IQCH: variants seen among roughly 807,000 people sequenced by gnomAD.
IQCH encodes the protein IQ motif containing H, also known as IQ domain-containing protein H.
In IQCH, 98 loss-of-function variants were observed where a neutral mutation model predicts 117.0. That is an observed-to-expected ratio of 0.84 (90% CI 0.71 to 0.99). The LOEUF is 0.99. Ranked by LOEUF, IQCH falls within the 50% of genes least tolerant of loss-of-function variation. The pLI is 0.00. For missense variants in IQCH, 1,102 were observed against 1,243.8 expected, an observed-to-expected ratio of 0.89 and a Z score of 1.72; for synonymous variants, 412 against 448.2, an observed-to-expected ratio of 0.92 and a Z score of 1.02.
intron 16 of IQCH, among the ~76,000 whole-genome samples, 199 bp downstream of exon 16, chr15:67,421,776 G>T (rs1453248857): frequency 2.0e-5 from 3 of 152,200 alleles, no homozygotes; most frequent in Non-Finnish European, 4.4e-5. Flanking sequence ...CAGGGCCAGG[G>T]TTGTCTCGTT....
At position 67,279,519 on chromosome 15, in the gene IQCH, A is replaced by G. The variant is rs369759374; in HGVS notation, c.387+7A>G. ...TGTCTTTCCAAGAGCAAAGGTAGGT[A>G]TAGAGAAATTCATAGAGACAGAAAG... is the stretch of plus-strand genomic sequence containing the variant. On this transcript the variant is annotated splice_region_variant and intron_variant, in intron 4 of 20. Transcript: ENST00000335894. 5 of 1,521,236 alleles carry G rather than the reference A, an allele frequency of 3.3e-6. No homozygotes were observed. The highest frequency in any genetic ancestry group is 4.5e-6 in the Non-Finnish European group (5 of 1,105,424). The allele number at this position is 1,521,236 out of a possible 1,614,324, so 94.2% of individuals were successfully genotyped here.
rs1248095369 is a variant in IQCH at position 67,496,464 on chromosome 15, G to C, written c.2970+2098G>C. 1.3e-5 allele frequency among the ~76,000 whole-genome samples: 2 copies of C among 152,194 alleles called. No homozygotes were observed. Among genetic ancestry groups the C allele is most frequent in the Non-Finnish European group, 2.9e-5 (2 of 68,036 alleles). On this transcript the variant is annotated intron_variant, in intron 20 of 20. Transcript: ENST00000335894. This position sits in a 1 kb window ranked among gnomAD's most constrained non-coding sequence, Gnocchi z 4.4. ...GCAAGACCAAAAGCCTTCTCGCCAA[G>C]ATTAGGAACAAGACAAGGGTGTCTG...
At chr15:67,328,953 A>G (rs183778287) in intron 4 of IQCH, among the ~76,000 whole-genome samples, 11 of 152,292 alleles carry the variant, frequency 7.2e-5, no homozygotes, top group Non-Finnish European at 1.3e-4. Flanking sequence ...TCTGGATACT[A>G]GTTACCCACA....
chr15:67,478,922 CA>C (rs1261625157), intron 18 of IQCH, among the ~76,000 whole-genome samples: 8 of 122,486 alleles, frequency 6.5e-5, no homozygotes, highest in East Asian at 2.3e-4. Flanking sequence ...GACTCTGTCT[CA>C]AAAAAAAAAG....
intron 3 of IQCH, among the ~76,000 whole-genome samples, chr15:67,269,944 A>G (rs543725468): frequency 8.2e-4 from 125 of 152,302 alleles, no homozygotes; most frequent in Admixed American, 2.7e-3. Context: ...TGCAGTAAAC[A>G]TGGGACTGGA....
At chr15:67,263,340 A>G in intron 3 of IQCH, 124 bp downstream of exon 3, 1 of 612,458 alleles carries the variant, frequency 1.6e-6, no homozygotes, top group Non-Finnish European at 2.9e-6. Flanking sequence ...CCTTTCTATT[A>G]ATTCTAGTAG....
rs1970266073 is a variant in IQCH, at chr15:67,364,571, A to G, written c.753+4686A>G. 1.3e-5 allele frequency among the ~76,000 whole-genome samples: 2 copies of G among 152,212 alleles called. No individual in the cohort carries two copies. Among genetic ancestry groups the G allele is most frequent in the Admixed American group, 1.3e-4 (2 of 15,278 alleles). On this transcript the variant is annotated intron_variant, in intron 8 of 20. Transcript: ENST00000335894. This position sits in a 1 kb window ranked among gnomAD's most constrained non-coding sequence, Gnocchi z 4.1. ...TTATATACAACAGAAAAAAGGTTAA[A>G]TTATCAGCCAACAAGATAATCTGTA...
At position 67,365,636 on chromosome 15, in the gene IQCH, T is replaced by C. The variant is rs975256696; in HGVS notation, c.753+5751T>C. Among the ~76,000 whole-genome samples, 4 of 152,086 alleles carry C rather than the reference T, an allele frequency of 2.6e-5. No individual in the cohort carries two copies. The highest frequency in any genetic ancestry group is 7.2e-5 in the African/African-American group (3 of 41,410). On this transcript the variant is annotated intron_variant, in intron 8 of 20. Coordinates refer to ENST00000335894, the MANE Select transcript of IQCH (RefSeq NM_001031715.3). The surrounding 1 kb of genome is among the most constrained non-coding windows in gnomAD (Gnocchi z 4.4). ...GAAGAAAAATAAACCAGAATACATA[T>C]GTAGGTATAGAAGCCACGCACGGTG...
Position 67,463,347 on chromosome 15 carries a change from A to G in IQCH, c.2506-1780A>G, listed in dbSNP as rs2082845215. Among the ~76,000 whole-genome samples, 1 of 152,242 alleles carries G rather than the reference A, an allele frequency of 6.6e-6. No homozygotes were observed. Among genetic ancestry groups the G allele is most frequent in the Admixed American group, 6.5e-5 (1 of 15,286 alleles). ...AAGACATTTTCATGGCATGTCTTAT[A>G]TTAAACACAAACATGTTCTGATCCT... On this transcript the variant is annotated intron_variant, in intron 16 of 20. Transcript: ENST00000335894. The surrounding 1 kb of genome is among the most constrained non-coding windows in gnomAD (Gnocchi z 4.0).
rs1354760032 is a variant in IQCH, at chr15:67,426,280, T to G, written c.2505+4703T>G. 6.6e-6 allele frequency among the ~76,000 whole-genome samples: 1 copy of G among 152,210 alleles called. No individual in the cohort carries two copies. Among genetic ancestry groups the G allele is most frequent in the African/African-American group, 2.4e-5 (1 of 41,454 alleles). On this transcript the variant is annotated intron_variant, in intron 16 of 20. Coordinates refer to ENST00000335894, the MANE Select transcript of IQCH (RefSeq NM_001031715.3). This position sits in a 1 kb window ranked among gnomAD's most constrained non-coding sequence, Gnocchi z 5.1. ...ATATATGCATATAAACACACATATG[T>G]ACATATACATACATCTGTGCATCTA...
chr15:67,473,503 C>T lies in IQCH; in HGVS notation c.2677-2193C>T, dbSNP rs929313365. Among the ~76,000 whole-genome samples, 4 of 152,264 alleles carry T rather than the reference C, an allele frequency of 2.6e-5. No individual in the cohort carries two copies. The highest frequency in any genetic ancestry group is 9.6e-5 in the African/African-American group (4 of 41,476). On this transcript the variant is annotated intron_variant, in intron 17 of 20. Transcript: ENST00000335894. The surrounding 1 kb of genome is among the most constrained non-coding windows in gnomAD (Gnocchi z 4.9). ...ACTGTCCCCTGTGCCATGTAATAAT[C>T]ACCTGCTTTTGCTCCAAAGCATTTA...
chr15:67,313,684 G>T (rs968975510), intron 4 of IQCH, among the ~76,000 whole-genome samples: 2 of 152,196 alleles, frequency 1.3e-5, no homozygotes, highest in Admixed American at 6.5e-5. Context: ...TGGCTGTGGA[G>T]GCCAGTTGAT....
Position 67,477,231 on chromosome 15 carries a change from A to C in IQCH, c.2799+1413A>C, listed in dbSNP as rs148463294. Among the ~76,000 whole-genome samples the C allele has an allele frequency of 8.1e-3, 1,227 of 151,732 alleles. 25 individuals carry two copies. Among genetic ancestry groups the C allele is most frequent in the African/African-American group, 0.028 (1,163 of 41,364 alleles). Reference sequence around the variant, plus strand: ...ATGCCTGGCTAATTTTTGTATTTTTAGTAGAGACAGGGTTTCACCATGTTG... The same window carrying C: ...ATGCCTGGCTAATTTTTGTATTTTTCGTAGAGACAGGGTTTCACCATGTTG... On this transcript the variant is annotated intron_variant, in intron 18 of 20. Transcript: ENST00000335894.
At chr15:67,392,935 C>T (rs1971335641) in intron 12 of IQCH, among the ~76,000 whole-genome samples, 1 of 151,992 alleles carries the variant, frequency 6.6e-6, no homozygotes, top group African/African-American at 2.4e-5. Flanking sequence ...CTGTTTTTTG[C>T]CTTTTAAAAT....
At position 67,372,161 on chromosome 15, in the gene IQCH, T is replaced by G. The variant is rs149810362; in HGVS notation, c.804T>G (p.Tyr268Ter). The G allele has an allele frequency of 1.3e-4, 212 of 1,613,808 alleles. No individual in the cohort carries two copies. The African/African-American group carries it at 2.7e-3, about 20-fold the overall frequency. ...PLRALKSLWD[Y>*]DFLIYDGVID... Reference sequence around the variant, plus strand: ...GAGCCCTGAAATCACTGTGGGATTATGACTTTTTAATTTATGATGGTGTCA... The same window carrying G: ...GAGCCCTGAAATCACTGTGGGATTAGGACTTTTTAATTTATGATGGTGTCA... Residue 268 changes from tyrosine (Y) to a stop codon, truncating the protein, a stop_gained, in exon 9 of 21, where the codon TAT (tyrosine) becomes TAG (stop). Transcript: ENST00000335894. LOFTEE classifies it high-confidence loss of function.
intron 10 of IQCH, among the ~76,000 whole-genome samples, chr15:67,382,229 A>G (rs1257161649): frequency 1.3e-5 from 2 of 152,164 alleles, no homozygotes; most frequent in African/African-American, 2.4e-5. Context: ...AAGGGAGACT[A>G]AGAACTTTAG....
chr15:67,316,451 C>T (rs139954111), intron 4 of IQCH, among the ~76,000 whole-genome samples: 4 of 152,296 alleles, frequency 2.6e-5, no homozygotes, highest in African/African-American at 7.2e-5. Context: ...TAAACATTTA[C>T]ATCCCAGGGA....
chr15:67,329,845 C>CACACACAT (rs1968583684), intron 4 of IQCH, among the ~76,000 whole-genome samples: 1 of 149,986 alleles, frequency 6.7e-6, no homozygotes, highest in African/African-American at 2.5e-5. Context: ...CACACACACA[C>CACACACAT]ATATACACAT....
At chr15:67,312,210 A>G (rs1967630241) in intron 4 of IQCH, among the ~76,000 whole-genome samples, 1 of 152,098 alleles carries the variant, frequency 6.6e-6, no homozygotes, top group South Asian at 2.1e-4. Context: ...CATGGGTAGA[A>G]CTGTATTTCA....
Sources: gnomAD v4.1 joint callset for allele counts (sites outside exome capture counted in the v4.1 genomes callset) on GRCh38, gnomAD v4.1.1 for gene constraint, Gnocchi (gnomAD v3.1) non-coding constraint, MANE v1.5 for transcripts, NCBI Gene and HGNC (gene_info 2026-07-23, HGNC 2026-07-21) for gene names.